CFAP251: variants seen among roughly 807,000 people sequenced by gnomAD.
CFAP251 encodes the protein cilia and flagella associated protein 251, also known as cilia- and flagella-associated protein 251.
In CFAP251, 93 loss-of-function variants were observed where a neutral mutation model predicts 126.7. The ratio of observed to expected loss-of-function variants is 0.73; its 90% CI spans 0.62 to 0.87. CFAP251 has a LOEUF of 0.87. CFAP251 is among the 40% of genes least tolerant of loss of function. The pLI, the probability that CFAP251 is intolerant of heterozygous loss-of-function variation, is 0.00. For missense variants in CFAP251, 1,287 were observed against 1,389.2 expected (o/e 0.93, Z 1.17); for synonymous variants, 503 against 506.9 (o/e 0.99, Z 0.10).
intron 17 of CFAP251, among the ~76,000 whole-genome samples, chr12:121,973,850 A>G (rs1205283736): frequency 6.6e-6 from 1 of 152,162 alleles, no homozygotes; most frequent in East Asian, 1.9e-4. Flanking sequence ...TTTTACAGGC[A>G]GAAGGGACTT....
intron 7 of CFAP251, among the ~76,000 whole-genome samples, chr12:121,944,958 T>C (rs1049155727): frequency 2.6e-5 from 4 of 152,088 alleles, no homozygotes; most frequent in South Asian, 4.1e-4. Flanking sequence ...AATTTTTTAA[T>C]TTTTTTCAGA....
intron 15 of CFAP251, among the ~76,000 whole-genome samples, chr12:121,962,886 C>T (rs1275378784): frequency 2.0e-5 from 3 of 151,770 alleles, no homozygotes; most frequent in African/African-American, 7.3e-5. Flanking sequence ...AGGTGGGAGG[C>T]GTCTGGGGTT....
At chr12:121,990,950 G>A (rs1426368661) in intron 19 of CFAP251, among the ~76,000 whole-genome samples, 1 of 152,190 alleles carries the variant, frequency 6.6e-6, no homozygotes, top group Admixed American at 6.5e-5. Flanking sequence ...GCTGACCCCA[G>A]TGACTAAGAT....
intron 19 of CFAP251, among the ~76,000 whole-genome samples, chr12:121,986,489 G>A (rs1212387066): frequency 4.7e-5 from 7 of 150,306 alleles, no homozygotes; most frequent in African/African-American, 1.2e-4. Flanking sequence ...TTTTAGTAGA[G>A]ACGGGGTTTC....
chr12:122,001,859 G>C, intron 21 of CFAP251: 2 of 485,486 alleles, frequency 4.1e-6, no homozygotes, highest in East Asian at 7.6e-5. Flanking sequence ...TTGCCGGCTT[G>C]GGTGGGTGAA....
chr12:121,982,621 A>C (rs956555203), intron 19 of CFAP251, among the ~76,000 whole-genome samples: 5 of 151,536 alleles, frequency 3.3e-5, no homozygotes, highest in African/African-American at 9.7e-5. Context: ...CATGTGATCC[A>C]CTCACCTCGG....
At chr12:121,988,648 T>C (rs1882805465) in intron 19 of CFAP251, among the ~76,000 whole-genome samples, 1 of 152,226 alleles carries the variant, frequency 6.6e-6, no homozygotes, top group South Asian at 2.1e-4. Context: ...AGATGGACAT[T>C]TACGTTTTCC....
chr12:121,957,286 C>G lies in CFAP251; in HGVS notation c.1730+18C>G. 1 of 1,593,324 alleles carries G rather than the reference C, an allele frequency of 6.3e-7. No individual in the cohort carries two copies. Among genetic ancestry groups the G allele is most frequent in the Non-Finnish European group, 8.6e-7 (1 of 1,168,854 alleles). The stretch of plus-strand genomic sequence containing the variant: ...GTCTTAAGGTAAGTTGTTAATGAAT[C>G]TAGTCATTAGAATGGTTGAAAAATG... On this transcript the variant is annotated intron_variant, in intron 11 of 21. Coordinates refer to ENST00000288912, the MANE Select transcript of CFAP251 (RefSeq NM_144668.6).
intron 7 of CFAP251, among the ~76,000 whole-genome samples, chr12:121,947,454 T>TTTTTC (rs774538383): frequency 1.3e-5 from 2 of 152,134 alleles, no homozygotes; most frequent in African/African-American, 4.8e-5. Flanking sequence ...GGATGGGTCT[T>TTTTTC]TTTTCTTTTC....
intron 5 of CFAP251, among the ~76,000 whole-genome samples, chr12:121,936,282 T>C (rs77298260): frequency 0.25 from 37,940 of 152,038 alleles, 5,975 homozygotes; most frequent in East Asian, 0.51. Flanking sequence ...ACTCTGTCTC[T>C]ACAAAAAATT....
At chr12:121,957,901 A>G (rs1327624721) in intron 11 of CFAP251, among the ~76,000 whole-genome samples, 1 of 152,132 alleles carries the variant, frequency 6.6e-6, no homozygotes, top group African/African-American at 2.4e-5. Context: ...TAATAGCCAT[A>G]ACATTTCAAG....
intron 5 of CFAP251, among the ~76,000 whole-genome samples, chr12:121,940,632 C>T (rs1454585323): frequency 3.3e-5 from 5 of 152,174 alleles, no homozygotes; most frequent in African/African-American, 9.7e-5. Flanking sequence ...AGCAGACCTC[C>T]CCCAACCCAA....
rs1882817358 is a variant in CFAP251 at position 121,989,127 on chromosome 12, T to G, written c.3007-10589T>G. On this transcript the variant is annotated intron_variant, in intron 19 of 21. Transcript: ENST00000288912. The surrounding 1 kb of genome is among the most constrained non-coding windows in gnomAD (Gnocchi z 4.2). Reference sequence around the variant, plus strand: ...TTTTAGAGAGCTGTGGACACAGAATTAGCAAATCCTTGATTGTGGGTTTGG... The same window carrying G: ...TTTTAGAGAGCTGTGGACACAGAATGAGCAAATCCTTGATTGTGGGTTTGG... Among the ~76,000 whole-genome samples the G allele has an allele frequency of 6.6e-6, 1 of 152,176 alleles. No individual in the cohort carries two copies. The highest frequency in any genetic ancestry group is 1.5e-5 in the Non-Finnish European group (1 of 68,020).
At chr12:121,966,843 C>T (rs551107280) in intron 15 of CFAP251, 112 bp from the exon 16 acceptor site, 79 of 913,846 alleles carry the variant, frequency 8.6e-5, no homozygotes, top group African/African-American at 1.8e-4. Context: ...CTTGGCCTCC[C>T]GAAGTGCTGG....
intron 11 of CFAP251, among the ~76,000 whole-genome samples, chr12:121,958,015 A>G (rs937164522): frequency 6.6e-6 from 1 of 152,230 alleles, no homozygotes; most frequent in Admixed American, 6.5e-5. Flanking sequence ...GAATATTTGC[A>G]TGTGCAGATT....
At chr12:121,953,420 G>A (rs544907713) in intron 9 of CFAP251, 7 of 152,376 alleles carry the variant, frequency 4.6e-5, no homozygotes, top group Admixed American at 2.0e-4. Flanking sequence ...GCAAATGACC[G>A]TGAGAGTGCT....
Position 121,958,298 on chromosome 12 carries a change from C to T in CFAP251, c.1757C>T (p.Ala586Val). Residue 586 changes from alanine to valine, a missense_variant, in exon 12 of 22, where the codon GCC (alanine) becomes GTC (valine). Physicochemically the swap from Ala to Val is moderately conservative, Grantham distance 64. Coordinates refer to ENST00000288912, the MANE Select transcript of CFAP251 (RefSeq NM_144668.6). ...LRNFIIGTSD[A>V]AVYHLTTDGT... The stretch of plus-strand genomic sequence containing the variant: ...AATTTTATCATTGGAACATCTGATG[C>T]CGCGGTGTACCACTTAACAACAGAT... The T allele has an allele frequency of 6.2e-7, 1 of 1,614,160 alleles. No individual in the cohort carries two copies. The highest frequency in any genetic ancestry group is 8.5e-7 in the Non-Finnish European group (1 of 1,180,012).
chr12:121,975,879 C>T (rs1029375503), intron 19 of CFAP251, among the ~76,000 whole-genome samples, 194 bp downstream of exon 19: 1 of 152,096 alleles, frequency 6.6e-6, no homozygotes. Flanking sequence ...TTCTGAAAGG[C>T]GCACTCCTCA....
chr12:121,984,207 C>T (rs1161182300), intron 19 of CFAP251, among the ~76,000 whole-genome samples: 1 of 152,190 alleles, frequency 6.6e-6, no homozygotes, highest in African/African-American at 2.4e-5. Context: ...CCAAAGAATT[C>T]CTAGCCATTC....
Sources: allele counts gnomAD v4.1 joint callset (sites outside exome capture counted in the v4.1 genomes callset), GRCh38; gene constraint gnomAD v4.1.1; non-coding constraint Gnocchi (gnomAD v3.1); transcripts MANE v1.5; gene names NCBI Gene and HGNC (gene_info 2026-07-23, HGNC 2026-07-21).